DLG2: variants seen among roughly 807,000 people sequenced by gnomAD.
The protein encoded by DLG2 is discs large MAGUK scaffold protein 2, also known as disks large homolog 2.
Under a neutral mutation model 132.5 loss-of-function variants are expected in DLG2, and 45 were observed. That is an observed-to-expected ratio of 0.34 (90% CI 0.27 to 0.44). DLG2 has a LOEUF of 0.44. DLG2 is among the 20% of genes least tolerant of loss of function. DLG2 has a pLI of 1.00. For synonymous variants in DLG2, 424 were observed against 419.6 expected (o/e 1.01, Z -0.13); for missense variants, 1,045 against 1,196.9 (o/e 0.87, Z 1.87).
rs141750110 is a variant in DLG2 at position 84,248,050 on chromosome 11, G to A, written c.573+3188C>T. Among the ~76,000 whole-genome samples, 1,057 of 152,208 alleles carry A rather than the reference G, an allele frequency of 6.9e-3. 14 individuals carry two copies. Among genetic ancestry groups the A allele is most frequent in the African/African-American group, 0.022 (925 of 41,514 alleles). On this transcript the variant is annotated intron_variant, in intron 8 of 27. Transcript: ENST00000376104. ...ATTATGTGAACAACTAGAACATGAG[G>A]AAGAAAAGAGGAAAACAAAGTATAG... is the stretch of plus-strand genomic sequence containing the variant.
chr11:85,378,563 T>G (rs951096719), intron 3 of DLG2, among the ~76,000 whole-genome samples: 2 of 152,110 alleles, frequency 1.3e-5, no homozygotes, highest in Admixed American at 6.6e-5. Flanking sequence ...TAAATATATA[T>G]ATAGATAGAT....
At chr11:85,100,188 G>A (rs1424124451) in intron 6 of DLG2, among the ~76,000 whole-genome samples, 1 of 152,106 alleles carries the variant, frequency 6.6e-6, no homozygotes, top group Non-Finnish European at 1.5e-5. Flanking sequence ...AAGTCAAGCT[G>A]TGAGAGAGTT....
At chr11:83,705,738 T>C (rs1386355838) in intron 18 of DLG2, among the ~76,000 whole-genome samples, 1 of 152,222 alleles carries the variant, frequency 6.6e-6, no homozygotes, top group Non-Finnish European at 1.5e-5. Context: ...TTTTAAAATA[T>C]GCCATAAAAG....
Position 85,040,964 on chromosome 11 carries a change from T to A in DLG2, c.357+70697A>T, listed in dbSNP as rs140530779. Among the ~76,000 whole-genome samples the A allele has an allele frequency of 3.1e-3, 468 of 151,950 alleles. 1 individual carries two copies. Among genetic ancestry groups the A allele is most frequent in the African/African-American group, 0.011 (447 of 41,510 alleles). On this transcript the variant is annotated intron_variant, in intron 6 of 27. Transcript: ENST00000376104. Reference sequence around the variant, plus strand: ...ACACCACTTTCCAGTTAGTAATAGGTGGAGCTGGTTTGTGTTCTTAACTAT... The same window carrying A: ...ACACCACTTTCCAGTTAGTAATAGGAGGAGCTGGTTTGTGTTCTTAACTAT...
intron 7 of DLG2, among the ~76,000 whole-genome samples, chr11:84,431,043 C>G (rs911492241): frequency 2.0e-5 from 3 of 152,152 alleles, no homozygotes; most frequent in African/African-American, 7.2e-5. Flanking sequence ...TCACTGAGGA[C>G]TGGTGAATCT....
chr11:83,519,234 T>C (rs2095401170), intron 21 of DLG2, among the ~76,000 whole-genome samples: 2 of 152,200 alleles, frequency 1.3e-5, no homozygotes, highest in South Asian at 4.1e-4. Context: ...GAGTCTTCCC[T>C]AGCACTCAGC....
At chr11:85,158,738 C>G (rs1401042273) in intron 4 of DLG2, among the ~76,000 whole-genome samples, 1 of 152,162 alleles carries the variant, frequency 6.6e-6, no homozygotes, top group Non-Finnish European at 1.5e-5. Context: ...TAATGGACAG[C>G]AGAGGCAAAA....
chr11:83,668,935 C>G (rs1446905577), intron 18 of DLG2, among the ~76,000 whole-genome samples: 1 of 150,812 alleles, frequency 6.6e-6, no homozygotes, highest in African/African-American at 2.4e-5. Flanking sequence ...CACCAAATTA[C>G]TAGTCCCTGG....
chr11:83,955,532 G>T (rs1417411332), intron 14 of DLG2, among the ~76,000 whole-genome samples: 2 of 152,124 alleles, frequency 1.3e-5, no homozygotes, highest in Admixed American at 6.5e-5. Context: ...TTCTACTCCT[G>T]TTCACCCACT....
chr11:84,744,177 C>T (rs2065056783), intron 6 of DLG2, among the ~76,000 whole-genome samples: 1 of 152,086 alleles, frequency 6.6e-6, no homozygotes, highest in Admixed American at 6.5e-5. Context: ...ACAACAACAA[C>T]AACAAGGACA....
At chr11:84,861,375 G>A (rs977151001) in intron 6 of DLG2, among the ~76,000 whole-genome samples, 2 of 151,976 alleles carry the variant, frequency 1.3e-5, no homozygotes, top group African/African-American at 2.4e-5. Flanking sequence ...CTCCAGCTAC[G>A]TAACTTCTGA....
chr11:84,049,931 G>A (rs561905627), intron 11 of DLG2, among the ~76,000 whole-genome samples: 109 of 151,850 alleles, frequency 7.2e-4, no homozygotes, highest in African/African-American at 2.5e-3. Context: ...ACAATAGTAA[G>A]AGAAGACATT....
intron 3 of DLG2, among the ~76,000 whole-genome samples, chr11:85,371,521 T>C (rs536620566): frequency 1.3e-5 from 2 of 152,326 alleles, no homozygotes; most frequent in South Asian, 2.1e-4. Flanking sequence ...CAGGACACAA[T>C]TGGAGAAAGT....
chr11:85,556,449 G>T (rs532033591), intron 3 of DLG2, among the ~76,000 whole-genome samples: 1 of 151,810 alleles, frequency 6.6e-6, no homozygotes, highest in Admixed American at 6.6e-5. Context: ...TATCATAAAG[G>T]CATTATATCA....
At chr11:83,913,819 G>A (rs116681919) in intron 15 of DLG2, among the ~76,000 whole-genome samples, 2,775 of 152,178 alleles carry the variant, frequency 0.018, 90 homozygotes, top group African/African-American at 0.063. Flanking sequence ...TATGACTGAA[G>A]GACAGGTGAT....
At chr11:83,587,665 G>A (rs764033340) in intron 19 of DLG2, among the ~76,000 whole-genome samples, 3 of 152,204 alleles carry the variant, frequency 2.0e-5, no homozygotes, top group African/African-American at 2.4e-5. Flanking sequence ...GAACAGCTCC[G>A]GTCTACAGCT....
chr11:85,122,975 T>TATATATATATAATATATATATA, intron 5 of DLG2, among the ~76,000 whole-genome samples: 1 of 49,930 alleles, frequency 2.0e-5, no homozygotes, highest in South Asian at 7.2e-4. Flanking sequence ...ATATATTTTT[T>TATATATATATAATATATATATA]TTTTTTTTTT....
chr11:85,510,232 C>T (rs1490264052), intron 3 of DLG2, among the ~76,000 whole-genome samples: 1 of 151,822 alleles, frequency 6.6e-6, no homozygotes, highest in African/African-American at 2.4e-5. Context: ...ATATGAGAGG[C>T]TAAAGAGGTA....
chr11:85,386,666 T>A (rs1423006355), intron 3 of DLG2, among the ~76,000 whole-genome samples: 2 of 152,070 alleles, frequency 1.3e-5, no homozygotes, highest in Non-Finnish European at 2.9e-5. Context: ...AGAATTGTAT[T>A]TTCTCTTCAT....
Sources: allele counts gnomAD v4.1 joint callset (sites outside exome capture counted in the v4.1 genomes callset), GRCh38; gene constraint gnomAD v4.1.1; transcripts MANE v1.5; gene names NCBI Gene and HGNC (gene_info 2026-07-23, HGNC 2026-07-21).